Variants in LRFN2 observed in about 807,000 individuals in gnomAD.
LRFN2 encodes leucine-rich repeat and fibronectin type-III domain-containing protein 2.
LRFN2 carries 18 observed loss-of-function variants against 37.3 expected under a neutral mutation model. That is an observed-to-expected ratio of 0.48 (90% CI 0.33 to 0.72). The LOEUF (loss-of-function observed/expected upper bound fraction) is 0.72, where lower values mean the gene tolerates loss of function less well. Ranked by LOEUF, LRFN2 falls within the 30% of genes least tolerant of loss-of-function variation. The pLI is 0.02. For synonymous variants in LRFN2, 556 were observed against 466.6 expected, an observed-to-expected ratio of 1.19 and a Z score of -2.47; for missense variants, 1,006 against 1,060.7, an observed-to-expected ratio of 0.95 and a Z score of 0.72.
chr6:40,499,516 C>G (rs1268353165), intron 1 of LRFN2, among the ~76,000 whole-genome samples: 2 of 152,208 alleles, frequency 1.3e-5, no homozygotes, highest in Non-Finnish European at 2.9e-5. Flanking sequence ...AGCAGACACT[C>G]AGCAATTTTT....
In LRFN2 at chr6:40,521,913, A is replaced by G. The variant is rs2113900906; in HGVS notation, c.-19+65028T>C. Among the ~76,000 whole-genome samples the G allele has an allele frequency of 3.3e-5, 5 of 152,346 alleles. No individual in the cohort carries two copies. The Middle Eastern group carries it at 0.017, about 518-fold the overall frequency. On this transcript the variant is annotated intron_variant, in intron 1 of 2. Coordinates refer to ENST00000338305, the MANE Select transcript of LRFN2 (RefSeq NM_020737.3). The stretch of plus-strand genomic sequence containing the variant: ...TGAACTAGCTGTGGGCTTTGAAGCA[A>G]AAGGTATGCTCCATTCTTCCATGAT...
At chr6:40,554,565 C>A (rs1186331979) in intron 1 of LRFN2, among the ~76,000 whole-genome samples, 1 of 152,196 alleles carries the variant, frequency 6.6e-6, no homozygotes, top group Non-Finnish European at 1.5e-5. Flanking sequence ...TTCCCAAGAG[C>A]AATCACGAAT....
chr6:40,520,286 G>T (rs1766020876), intron 1 of LRFN2, among the ~76,000 whole-genome samples: 1 of 152,078 alleles, frequency 6.6e-6, no homozygotes, highest in South Asian at 2.1e-4. Context: ...GAGTGCAGAG[G>T]GGCTGGGAGA....
At chr6:40,583,058 T>C (rs1767433619) in intron 1 of LRFN2, among the ~76,000 whole-genome samples, 1 of 152,194 alleles carries the variant, frequency 6.6e-6, no homozygotes. Context: ...CCTCTGTTAA[T>C]TTTAAGACAA....
chr6:40,436,236 G>C (rs532840228), intron 1 of LRFN2, among the ~76,000 whole-genome samples: 1 of 152,252 alleles, frequency 6.6e-6, no homozygotes, highest in East Asian at 1.9e-4. Context: ...GCCATATGTG[G>C]CTATTGGCTA....
At chr6:40,556,354 C>G (rs751027652) in intron 1 of LRFN2, among the ~76,000 whole-genome samples, 2 of 152,146 alleles carry the variant, frequency 1.3e-5, no homozygotes, top group African/African-American at 4.8e-5. Context: ...CAGCAGGGGC[C>G]CTTCTGCTCA....
At chr6:40,504,464 A>C (rs1765475435) in intron 1 of LRFN2, among the ~76,000 whole-genome samples, 1 of 152,188 alleles carries the variant, frequency 6.6e-6, no homozygotes, top group Admixed American at 6.5e-5. Flanking sequence ...AACCACTGTC[A>C]TACTAAAGAA....
intron 1 of LRFN2, among the ~76,000 whole-genome samples, chr6:40,544,880 A>G (rs965416945): frequency 3.3e-5 from 5 of 152,212 alleles, no homozygotes; most frequent in Non-Finnish European, 5.9e-5. Flanking sequence ...GCATCTTTAT[A>G]ATGAGAAGGA....
At chr6:40,539,134 CCCA>C (rs2113914795) in intron 1 of LRFN2, among the ~76,000 whole-genome samples, 1 of 152,072 alleles carries the variant, frequency 6.6e-6, no homozygotes, top group Admixed American at 6.5e-5. Context: ...AGACCCACCT[CCCA>C]CCCACCCCAA....
chr6:40,499,189 T>C (rs1765310766), intron 1 of LRFN2, among the ~76,000 whole-genome samples: 1 of 152,090 alleles, frequency 6.6e-6, no homozygotes, highest in African/African-American at 2.4e-5. Context: ...ATCATCTCCA[T>C]CCCTCCCTAT....
At position 40,408,686 on chromosome 6, in the gene LRFN2, C is replaced by T. The variant is rs114107490; in HGVS notation, c.1401-15774G>A. 2.0e-3 allele frequency among the ~76,000 whole-genome samples: 305 copies of T among 152,298 alleles called. 1 individual carries two copies. The highest frequency in any genetic ancestry group is 7.1e-3 in the African/African-American group (297 of 41,556). ...CTCAGTTAAATAGGAACACTAGTACCTACTGTGTAGGAATATAGTCAGGAC... is the reference window on the plus strand; with the variant it reads ...CTCAGTTAAATAGGAACACTAGTACTTACTGTGTAGGAATATAGTCAGGAC... On this transcript the variant is annotated intron_variant, in intron 2 of 2. Coordinates refer to ENST00000338305, the MANE Select transcript of LRFN2 (RefSeq NM_020737.3).
At chr6:40,449,805 C>A in intron 1 of LRFN2, among the ~76,000 whole-genome samples, 1 of 152,142 alleles carries the variant, frequency 6.6e-6, no homozygotes, top group East Asian at 1.9e-4. Context: ...TATTACCTAG[C>A]CATAGCACAA....
intron 1 of LRFN2, among the ~76,000 whole-genome samples, chr6:40,539,627 G>A (rs559771163): frequency 6.6e-6 from 1 of 152,332 alleles, no homozygotes; most frequent in East Asian, 1.9e-4. Flanking sequence ...CACATCCCAA[G>A]TGCACAGATC....
At chr6:40,531,101 C>T (rs1158534642) in intron 1 of LRFN2, among the ~76,000 whole-genome samples, 1 of 152,308 alleles carries the variant, frequency 6.6e-6, no homozygotes, top group East Asian at 1.9e-4. Flanking sequence ...CAGAACAAAA[C>T]TCATCCCTCA....
intron 2 of LRFN2, among the ~76,000 whole-genome samples, chr6:40,420,063 T>C (rs1375898884): frequency 2.0e-5 from 3 of 152,206 alleles, no homozygotes; most frequent in Non-Finnish European, 4.4e-5. Flanking sequence ...TTCGCATATC[T>C]GGATCAGCAC....
At chr6:40,533,158 GTC>G (rs1561898409) in intron 1 of LRFN2, among the ~76,000 whole-genome samples, 1 of 151,860 alleles carries the variant, frequency 6.6e-6, no homozygotes, top group East Asian at 1.9e-4. Context: ...CTCTGCCTCT[GTC>G]TCTGTCTCTC....
intron 1 of LRFN2, among the ~76,000 whole-genome samples, chr6:40,520,293 G>A (rs1766021287): frequency 6.6e-6 from 1 of 152,098 alleles, no homozygotes; most frequent in Admixed American, 6.6e-5. Context: ...GAGGGGCTGG[G>A]AGACAGGACA....
rs537109166 is a variant in LRFN2 at position 40,427,473 on chromosome 6, G to A, written c.1400+4241C>T. ...TCACTCCAGAGATGCTGGTCCAGCC[G>A]AGAGTCACTATGCAAGGGGGCATGT... On this transcript the variant is annotated intron_variant, in intron 2 of 2. Transcript: ENST00000338305. Among the ~76,000 whole-genome samples the A allele has an allele frequency of 7.9e-5, 12 of 152,288 alleles. No homozygotes were observed. In the East Asian group the frequency reaches 1.5e-3, roughly 20 times the overall value.
At chr6:40,472,915 A>G (rs1343365933) in intron 1 of LRFN2, among the ~76,000 whole-genome samples, 1 of 151,848 alleles carries the variant, frequency 6.6e-6, no homozygotes, top group Non-Finnish European at 1.5e-5. Flanking sequence ...CCTGGCATTC[A>G]CACCCTTCAT....
Sources: allele counts gnomAD v4.1 joint callset (sites outside exome capture counted in the v4.1 genomes callset), GRCh38; gene constraint gnomAD v4.1.1; transcripts MANE v1.5; gene names NCBI Gene and HGNC (gene_info 2026-07-23, HGNC 2026-07-21).